The following VWCE variants were observed in gnomAD, a reference collection of about 807,000 sequenced individuals.
VWCE encodes the protein von Willebrand factor C and EGF domains, also known as von Willebrand factor C and EGF domain-containing protein.
Under a neutral mutation model 102.9 loss-of-function variants are expected in VWCE, and 68 were observed. That is an observed-to-expected ratio of 0.66 (90% CI 0.54 to 0.81). The LOEUF is 0.81. Among genes scored for constraint, VWCE ranks in the 30% least tolerant of loss-of-function variants. The pLI is 0.00. For missense variants in VWCE, 1,137 were observed against 1,263.6 expected, an observed-to-expected ratio of 0.90 and a Z score of 1.52; for synonymous variants, 497 against 515.4, an observed-to-expected ratio of 0.96 and a Z score of 0.48.
At chr11:61,293,417 A>G (rs951625146) in intron 1 of VWCE, among the ~76,000 whole-genome samples, 24 of 113,006 alleles carry the variant, frequency 2.1e-4, no homozygotes, top group African/African-American at 1.2e-3. Context: ...ATTCTGTCTC[A>G]AAAAAAAAAA....
chr11:61,267,610 C>T, intron 15 of VWCE, 66 bp from the exon 16 acceptor site: 2 of 1,504,060 alleles, frequency 1.3e-6, no homozygotes, highest in Non-Finnish European at 1.8e-6. Context: ...CCCGCCAGGG[C>T]CAAGGTCACA....
In VWCE at chr11:61,264,510, C is replaced by T; in HGVS notation, c.2207G>A (p.Gly736Glu). The T allele has an allele frequency of 1.2e-6, 2 of 1,613,644 alleles. No individual in the cohort carries two copies. The highest frequency in any genetic ancestry group is 1.7e-6 in the Non-Finnish European group (2 of 1,179,854). Residue 736 changes from glycine (G) to glutamate (E), a missense_variant, in exon 19 of 20, where the codon GGG (glycine) becomes GAG (glutamate). Transcript: ENST00000335613. ...RACADPALLP[G>E]DCCSSCPDSL... is the part of the protein sequence containing the mutation. ...ACCTGGACAGGAAGAGCAGCAGTCC[C>T]CAGGAAGCAGGGCAGGGTCGGCACA...
At chr11:61,265,970 T>C (rs1014710427) in intron 16 of VWCE, among the ~76,000 whole-genome samples, 2 of 151,698 alleles carry the variant, frequency 1.3e-5, no homozygotes, top group South Asian at 4.2e-4. Flanking sequence ...CGTTTGAACC[T>C]GGGAGGCGGA....
chr11:61,265,359 C>G, intron 16 of VWCE, 147 bp from the exon 17 acceptor site: 1 of 662,932 alleles, frequency 1.5e-6, no homozygotes, highest in Non-Finnish European at 2.4e-6. Context: ...GGGCAGGGGG[C>G]GCATTTTCTC....
chr11:61,274,474 G>C, intron 12 of VWCE, 25 bp downstream of exon 12: 1 of 1,609,702 alleles, frequency 6.2e-7, no homozygotes, highest in Admixed American at 1.7e-5. Flanking sequence ...AATTCCACAG[G>C]CTTTGGGACG....
intron 19 of VWCE, among the ~76,000 whole-genome samples, chr11:61,260,854 C>T (rs1327229180): frequency 1.3e-5 from 2 of 152,032 alleles, no homozygotes; most frequent in Non-Finnish European, 1.5e-5. Flanking sequence ...AGATAAACCA[C>T]CAGAAAGTCA....
intron 12 of VWCE, among the ~76,000 whole-genome samples, 178 bp from the exon 13 acceptor site, chr11:61,273,494 TG>T (rs570146628): frequency 1.7e-4 from 25 of 149,436 alleles, no homozygotes; most frequent in African/African-American, 5.9e-4. Context: ...AACAGTGGGG[TG>T]GGGGGAACTG....
Position 61,265,112 on chromosome 11 carries a change from T to A in VWCE, c.2056+10A>T, listed in dbSNP as rs374923627. ...GGAACCTGGCACGTGGGGCAGCTGG[T>A]CCCACTCACCTCGGCACACGGGGCA... On this transcript the variant is annotated intron_variant, in intron 17 of 19. Coordinates refer to ENST00000335613, the MANE Select transcript of VWCE (RefSeq NM_152718.2). 42 of 1,611,950 alleles carry A rather than the reference T, an allele frequency of 2.6e-5. No homozygotes were observed. Among genetic ancestry groups the A allele is most frequent in the Non-Finnish European group, 3.2e-5 (38 of 1,178,986 alleles).
chr11:61,261,840 A>G (rs1565214843), intron 19 of VWCE, among the ~76,000 whole-genome samples: 1 of 152,028 alleles, frequency 6.6e-6, no homozygotes, highest in Non-Finnish European at 1.5e-5. Context: ...AAAGCAATTC[A>G]TATTCTACTT....
chr11:61,265,233 A>G (rs371734895), intron 16 of VWCE, 21 bp from the exon 17 acceptor site: 1 of 1,463,126 alleles, frequency 6.8e-7, no homozygotes, highest in Non-Finnish European at 9.0e-7. Flanking sequence ...CAGAAAACAC[A>G]CAAGGCCCTC....
intron 19 of VWCE, among the ~76,000 whole-genome samples, chr11:61,263,992 G>A (rs998010938): frequency 2.6e-5 from 4 of 152,008 alleles, no homozygotes; most frequent in Non-Finnish European, 5.9e-5. Flanking sequence ...TTGGGAGGCT[G>A]AGGCGGGCGG....
intron 7 of VWCE, among the ~76,000 whole-genome samples, 188 bp from the exon 8 acceptor site, chr11:61,281,423 G>A (rs774234844): frequency 6.6e-6 from 1 of 152,166 alleles, no homozygotes; most frequent in Non-Finnish European, 1.5e-5. Context: ...GGCTGTCCCT[G>A]TAGCCCAGGA....
chr11:61,270,070 A>G (rs574084198), intron 14 of VWCE, among the ~76,000 whole-genome samples: 366 of 152,076 alleles, frequency 2.4e-3, no homozygotes, highest in Non-Finnish European at 4.1e-3. Flanking sequence ...GGTGCCCGCC[A>G]CCACGCCCAG....
Position 61,290,843 on chromosome 11 carries a change from A to T in VWCE, c.380T>A (p.Val127Glu), listed in dbSNP as rs758494969. ...GCQEVARVCP[V>E]GFSMTETAVG... is the part of the protein sequence containing the mutation. ...AGCTGTCTCCGTCATCGAGAAGCCCACGGGGCACACTCGGGCCACCTCCTG... is the reference window on the plus strand; with the variant it reads ...AGCTGTCTCCGTCATCGAGAAGCCCTCGGGGCACACTCGGGCCACCTCCTG... Residue 127 changes from valine to glutamate, a missense_variant, in exon 4 of 20, where the codon GTG becomes GAG. Physicochemically the swap from Val to Glu is moderately radical, Grantham distance 121. Transcript: ENST00000335613. The T allele has an allele frequency of 8.7e-6, 14 of 1,607,976 alleles. No homozygotes were observed. In the South Asian group the frequency reaches 1.5e-4, roughly 18 times the overall value.
intron 7 of VWCE, among the ~76,000 whole-genome samples, chr11:61,281,533 T>C (rs1315566360): frequency 6.6e-6 from 1 of 151,408 alleles, no homozygotes. Flanking sequence ...GATAAAGAAG[T>C]GGAAAAAGAA....
intron 3 of VWCE, 51 bp downstream of exon 3, chr11:61,291,213 C>A: frequency 2.7e-6 from 4 of 1,489,256 alleles, no homozygotes; most frequent in Non-Finnish European, 3.6e-6. Context: ...CAGGACATAA[C>A]CTCAATGCTC....
chr11:61,282,971 C>T, intron 5 of VWCE, 66 bp from the exon 6 acceptor site: 2 of 1,341,132 alleles, frequency 1.5e-6, no homozygotes, highest in Non-Finnish European at 2.1e-6. Flanking sequence ...ATATGGTCCC[C>T]TCTTCCTCCC....
chr11:61,269,164 C>G, intron 14 of VWCE, 146 bp from the exon 15 acceptor site: 1 of 679,212 alleles, frequency 1.5e-6, no homozygotes, highest in Non-Finnish European at 2.5e-6. Context: ...GCAGGTCTCC[C>G]CTAAAGAGGA....
At chr11:61,274,469 C>T (rs1344983750) in intron 12 of VWCE, 30 bp downstream of exon 12, 2 of 1,607,492 alleles carry the variant, frequency 1.2e-6, no homozygotes, top group Admixed American at 1.7e-5. Flanking sequence ...CCATCAATTC[C>T]ACAGGCTTTG....
Sources: allele counts gnomAD v4.1 joint callset (sites outside exome capture counted in the v4.1 genomes callset), GRCh38; gene constraint gnomAD v4.1.1; transcripts MANE v1.5; gene names NCBI Gene and HGNC (gene_info 2026-07-23, HGNC 2026-07-21).